Variants in CEP128 observed in about 807,000 individuals in gnomAD.
CEP128 encodes the protein centrosomal protein 128, also known as centrosomal protein 128kDa.
CEP128 carries 132 observed loss-of-function variants against 156.7 expected under a neutral mutation model. The observed-to-expected ratio is 0.84, with a 90% CI of 0.73 to 0.97. CEP128 has a LOEUF of 0.97. CEP128 is among the 50% of genes least tolerant of loss of function. The pLI, the probability that CEP128 is intolerant of heterozygous loss-of-function variation, is 0.00. For synonymous variants in CEP128, 469 were observed against 448.9 expected, an observed-to-expected ratio of 1.04 and a Z score of -0.57; for missense variants, 1,252 against 1,281.9, an observed-to-expected ratio of 0.98 and a Z score of 0.36.
chr14:80,789,426 A>G (rs985209386), intron 14 of CEP128, among the ~76,000 whole-genome samples: 1 of 152,206 alleles, frequency 6.6e-6, no homozygotes, highest in Non-Finnish European at 1.5e-5. Flanking sequence ...GAATTATTTC[A>G]GTGACGGTCA....
chr14:80,541,726 C>A (rs1889771813), intron 21 of CEP128, among the ~76,000 whole-genome samples: 1 of 152,184 alleles, frequency 6.6e-6, no homozygotes, highest in Non-Finnish European at 1.5e-5. Flanking sequence ...CTGAAAGCTT[C>A]TATGCCATCG....
intron 8 of CEP128, among the ~76,000 whole-genome samples, chr14:80,892,700 T>C (rs916747721): frequency 8.0e-6 from 1 of 124,360 alleles, no homozygotes; most frequent in Non-Finnish European, 1.8e-5. Flanking sequence ...AACTCAATAG[T>C]AGAAAAACAA....
intron 19 of CEP128, among the ~76,000 whole-genome samples, chr14:80,735,965 C>G (rs966247798): frequency 3.3e-5 from 5 of 152,054 alleles, no homozygotes; most frequent in African/African-American, 1.2e-4. Flanking sequence ...TCTCTAGAAC[C>G]TTAATTTTTT....
intron 8 of CEP128, among the ~76,000 whole-genome samples, chr14:80,869,749 GATT>G (rs944541878): frequency 1.1e-4 from 17 of 152,034 alleles, no homozygotes; most frequent in Admixed American, 7.9e-4. Flanking sequence ...TTGTTGTACA[GATT>G]ATTTCTTCAC....
chr14:80,613,220 G>A (rs1388949834), intron 19 of CEP128, among the ~76,000 whole-genome samples: 1 of 149,296 alleles, frequency 6.7e-6, no homozygotes, highest in Non-Finnish European at 1.5e-5. Flanking sequence ...TGATCTCATA[G>A]TTATGTTATT....
chr14:80,583,883 AT>A, intron 19 of CEP128, among the ~76,000 whole-genome samples: 1 of 152,282 alleles, frequency 6.6e-6, no homozygotes, highest in South Asian at 2.1e-4. Context: ...CCACCTTAAA[AT>A]GTTTCATCCT....
At chr14:80,751,077 A>T (rs1382998420) in intron 18 of CEP128, among the ~76,000 whole-genome samples, 1 of 152,210 alleles carries the variant, frequency 6.6e-6, no homozygotes. Context: ...GTCTCACCAG[A>T]AACCAAACCT....
chr14:80,662,349 G>A (rs1895435565), intron 19 of CEP128, among the ~76,000 whole-genome samples: 1 of 152,096 alleles, frequency 6.6e-6, no homozygotes, highest in African/African-American at 2.4e-5. Flanking sequence ...TTATGCCTAA[G>A]AAATAACATT....
chr14:80,784,878 TA>T lies in CEP128; in HGVS notation c.2211+16del, dbSNP rs777955216. On this transcript the variant is annotated intron_variant, in intron 15 of 24. Coordinates refer to ENST00000555265, the MANE Select transcript of CEP128 (RefSeq NM_152446.5). ...AAAAATTCCTTCAGTATCATCAGGA[TA>T]ATTTAGCAGAGGTACCTTCAGAGTC... 2 of 1,575,302 alleles carry T rather than the reference TA, an allele frequency of 1.3e-6. No homozygotes were observed. The highest frequency in any genetic ancestry group is 2.7e-5 in the African/African-American group (2 of 73,372).
At chr14:80,693,339 T>G (rs1267249364) in intron 19 of CEP128, among the ~76,000 whole-genome samples, 2 of 152,174 alleles carry the variant, frequency 1.3e-5, no homozygotes, top group South Asian at 2.1e-4. Flanking sequence ...GACATCTACA[T>G]GTTATTTGTG....
chr14:80,830,378 T>C, intron 13 of CEP128: 1 of 401,936 alleles, frequency 2.5e-6, no homozygotes, highest in South Asian at 8.3e-5. Context: ...TTTCTACCTT[T>C]CATTTTAATT....
intron 19 of CEP128, among the ~76,000 whole-genome samples, chr14:80,598,751 GT>G (rs1892450032): frequency 6.6e-6 from 1 of 152,140 alleles, no homozygotes; most frequent in African/African-American, 2.4e-5. Context: ...CAAGACTGTG[GT>G]TTTGGTGGAG....
intron 15 of CEP128, among the ~76,000 whole-genome samples, chr14:80,779,670 T>C (rs142170331): frequency 6.6e-6 from 1 of 152,240 alleles, no homozygotes; most frequent in Non-Finnish European, 1.5e-5. Context: ...AAGAAAGGGG[T>C]ATTCAGAACC....
At chr14:80,585,251 T>C (rs756309806) in intron 19 of CEP128, among the ~76,000 whole-genome samples, 3 of 152,256 alleles carry the variant, frequency 2.0e-5, no homozygotes, top group Non-Finnish European at 2.9e-5. Context: ...TTAGGGTTAA[T>C]ATATCACGAC....
intron 8 of CEP128, among the ~76,000 whole-genome samples, chr14:80,891,124 A>G (rs139217558): frequency 2.4e-4 from 37 of 152,268 alleles, no homozygotes; most frequent in African/African-American, 7.5e-4. Context: ...TAGTGTAAGC[A>G]CTATTTTGAG....
chr14:80,619,896 G>A (rs1255935113), intron 19 of CEP128, among the ~76,000 whole-genome samples: 3 of 152,010 alleles, frequency 2.0e-5, no homozygotes, highest in East Asian at 1.9e-4. Flanking sequence ...AGGTCGAGGC[G>A]TGTGGATCAC....
chr14:80,701,792 C>A (rs548055975), intron 19 of CEP128, among the ~76,000 whole-genome samples: 1 of 152,248 alleles, frequency 6.6e-6, no homozygotes, highest in Non-Finnish European at 1.5e-5. Flanking sequence ...TTCTCTCAAA[C>A]CCCAAAACTA....
At chr14:80,553,547 T>C (rs779410041) in intron 21 of CEP128, among the ~76,000 whole-genome samples, 12 of 152,204 alleles carry the variant, frequency 7.9e-5, no homozygotes, top group African/African-American at 1.2e-4. Flanking sequence ...TTAATTTCCA[T>C]AGCTTTAATA....
intron 9 of CEP128, among the ~76,000 whole-genome samples, chr14:80,848,406 T>G (rs897439420): frequency 1.3e-5 from 2 of 152,148 alleles, no homozygotes; most frequent in Non-Finnish European, 2.9e-5. Context: ...GTGCCTTTAA[T>G]CCCAGCACTT....
Sources: allele counts gnomAD v4.1 joint callset (sites outside exome capture counted in the v4.1 genomes callset), GRCh38; gene constraint gnomAD v4.1.1; transcripts MANE v1.5; gene names NCBI Gene and HGNC (gene_info 2026-07-23, HGNC 2026-07-21).